The following LDHC variants were observed in gnomAD, a reference collection of about 807,000 sequenced individuals.
LDHC encodes the protein L-lactate dehydrogenase C chain.
In LDHC, 20 loss-of-function variants were observed where a neutral mutation model predicts 30.2. That is an observed-to-expected ratio of 0.66 (90% CI 0.47 to 0.96). The LOEUF (loss-of-function observed/expected upper bound fraction) is 0.96, where lower values mean the gene tolerates loss of function less well. Among genes scored for constraint, LDHC ranks in the 40% least tolerant of loss-of-function variants. The pLI, the probability that LDHC is intolerant of heterozygous loss-of-function variation, is 0.00. For synonymous variants in LDHC, 139 were observed against 132.7 expected, an observed-to-expected ratio of 1.05 and a Z score of -0.32; for missense variants, 362 against 394.9, an observed-to-expected ratio of 0.92 and a Z score of 0.71.
At chr11:18,415,107 G>A (rs1590222165) in intron 2 of LDHC, 77 bp from the exon 3 acceptor site, 1 of 720,018 alleles carries the variant, frequency 1.4e-6, no homozygotes, top group East Asian at 2.6e-5. Context: ...TAATTATCAA[G>A]TAGCCACATG....
chr11:18,430,661 C>T (rs2134059219), intron 4 of LDHC, among the ~76,000 whole-genome samples: 1 of 152,282 alleles, frequency 6.6e-6, no homozygotes, highest in Non-Finnish European at 1.5e-5. Context: ...TGCACCCAGC[C>T]ATTGTTTATA....
chr11:18,415,986 T>C, intron 3 of LDHC, among the ~76,000 whole-genome samples: 1 of 152,200 alleles, frequency 6.6e-6, no homozygotes, highest in East Asian at 1.9e-4. Flanking sequence ...TGAGCTGCGG[T>C]GCCCAGCCGG....
In LDHC at chr11:18,412,818, C is replaced by T. The variant is rs1370544092; in HGVS notation, c.101C>T (p.Ala34Val). ...GTTGGAACTGGTGCCGTAGGCATGG[C>T]TTGTGCTATTAGTATCTTACTGAAG... ...TIVGTGAVGM[A>V]CAISILLKDL... The change falls in exon 2 of 8, where the codon GCT becomes GTT. Residue 34 changes from alanine (A) to valine (V), a missense_variant. Coordinates refer to ENST00000541669, the MANE Select transcript of LDHC (RefSeq NM_017448.5). 1.2e-6 allele frequency: 2 copies of T among 1,613,786 alleles called. No homozygotes were observed. Among genetic ancestry groups the T allele is most frequent in the South Asian group, 1.1e-5 (1 of 91,030 alleles).
rs1022990889 is a variant in LDHC, at chr11:18,435,425, G to A, written c.592+512G>A. On this transcript the variant is annotated intron_variant, in intron 5 of 7. Transcript: ENST00000541669. ...TGTGGCACCCCCCTCCCCGACCCCC[G>A]CTGTAGCCATATAAGACTCTCCTGC... is the stretch of plus-strand genomic sequence containing the variant. 4.0e-5 allele frequency among the ~76,000 whole-genome samples: 6 copies of A among 150,278 alleles called. No homozygotes were observed. The East Asian group carries it at 7.9e-4, about 20-fold the overall frequency.
In LDHC at chr11:18,442,974, G is replaced by A. The variant is rs1474259767; in HGVS notation, c.711-3236G>A. Reference sequence around the variant, plus strand: ...CTAAAGCAAATGTATTTCTTTTTTTGGCCAAACTATTTCCATAAGTATCAC... The same window carrying A: ...CTAAAGCAAATGTATTTCTTTTTTTAGCCAAACTATTTCCATAAGTATCAC... On this transcript the variant is annotated intron_variant, in intron 6 of 7. Coordinates refer to ENST00000541669, the MANE Select transcript of LDHC (RefSeq NM_017448.5). 3.3e-5 allele frequency among the ~76,000 whole-genome samples: 5 copies of A among 151,516 alleles called. No homozygotes were observed. The East Asian group carries it at 7.7e-4, about 23-fold the overall frequency.
At chr11:18,443,386 C>T (rs547997083) in intron 6 of LDHC, among the ~76,000 whole-genome samples, 7 of 152,166 alleles carry the variant, frequency 4.6e-5, no homozygotes, top group Admixed American at 2.6e-4. Context: ...AGGGCTGTCA[C>T]AGTGTTGGTC....
chr11:18,446,991 G>T (rs1265642238), intron 7 of LDHC, among the ~76,000 whole-genome samples: 1 of 152,178 alleles, frequency 6.6e-6, no homozygotes, highest in Non-Finnish European at 1.5e-5. Context: ...GACAGAAGTG[G>T]TAAGCAGAGG....
At chr11:18,424,167 A>T (rs1347638207) in intron 3 of LDHC, among the ~76,000 whole-genome samples, 1 of 152,114 alleles carries the variant, frequency 6.6e-6, no homozygotes, top group African/African-American at 2.4e-5. Context: ...GCGGATCACG[A>T]GGTCAGGAGT....
intron 3 of LDHC, among the ~76,000 whole-genome samples, chr11:18,429,116 C>CTTTTTTTTTTTT (rs36038254): frequency 1.1e-5 from 1 of 93,922 alleles, no homozygotes; most frequent in Non-Finnish European, 1.9e-5. Flanking sequence ...TCATTTTGGT[C>CTTTTTTTTTTTT]TTTTTTTTTT....
chr11:18,429,659 A>G (rs968454817), intron 3 of LDHC, 78 bp from the exon 4 acceptor site: 5 of 765,090 alleles, frequency 6.5e-6, no homozygotes, highest in Non-Finnish European at 8.4e-6. Context: ...CTAAGAACAT[A>G]CAATAGAGTT....
chr11:18,446,227 A>C lies in LDHC; in HGVS notation c.728A>C (p.Lys243Thr). 1 of 1,603,048 alleles carries C rather than the reference A, an allele frequency of 6.2e-7. No individual in the cohort carries two copies. The highest frequency in any genetic ancestry group is 1.1e-5 in the South Asian group (1 of 90,838). Residue 243 changes from lysine (K) to threonine (T), a missense_variant, in exon 7 of 8, where the codon AAG becomes ACG. Physicochemically the swap from Lys to Thr is moderately conservative, Grantham distance 78. Coordinates refer to ENST00000541669, the MANE Select transcript of LDHC (RefSeq NM_017448.5). ...QVIQSAYEII[K>T]LKGYTSWAIG... ...AACTGTAGTGCCTATGAAATTATCA[A>C]GCTGAAGGGGTATACCTCTTGGGCT...
chr11:18,421,048 A>C (rs1041909726), intron 3 of LDHC, among the ~76,000 whole-genome samples: 5 of 151,852 alleles, frequency 3.3e-5, no homozygotes, highest in African/African-American at 1.2e-4. Context: ...TTCTTTTTCA[A>C]ATTTTTATAT....
chr11:18,446,929 T>A (rs1848563266), intron 7 of LDHC, among the ~76,000 whole-genome samples: 1 of 151,878 alleles, frequency 6.6e-6, no homozygotes, highest in Admixed American at 6.6e-5. Context: ...GTTTGTTTGT[T>A]ACACAGATAA....
At chr11:18,433,855 C>T (rs538951133) in intron 4 of LDHC, among the ~76,000 whole-genome samples, 21 of 152,094 alleles carry the variant, frequency 1.4e-4, no homozygotes, top group Non-Finnish European at 2.9e-4. Context: ...CTAGCAAGGC[C>T]GGGGAATTTT....
At chr11:18,413,151 G>C (rs1590221267) in intron 2 of LDHC, among the ~76,000 whole-genome samples, 1 of 150,742 alleles carries the variant, frequency 6.6e-6, no homozygotes, top group East Asian at 2.0e-4. Flanking sequence ...GCGCGATCTT[G>C]GCCCACTGCA....
At position 18,412,838 on chromosome 11, in the gene LDHC, C is replaced by CTGAA; in HGVS notation, c.122_125dup (p.Lys42AsnfsTer6). On this transcript the variant is annotated frameshift_variant, in exon 2 of 8. Coordinates refer to ENST00000541669, the MANE Select transcript of LDHC (RefSeq NM_017448.5). LOFTEE classifies it high-confidence loss of function. Reference sequence around the variant, plus strand: ...CATGGCTTGTGCTATTAGTATCTTACTGAAGGTGAGTGAGAAGCCCATCCT... The same window carrying CTGAA: ...CATGGCTTGTGCTATTAGTATCTTACTGAATGAAGGTGAGTGAGAAGCCCATCCT... 1 of 1,612,802 alleles carries CTGAA rather than the reference C, an allele frequency of 6.2e-7. No homozygotes were observed. The highest frequency in any genetic ancestry group is 8.5e-7 in the Non-Finnish European group (1 of 1,179,442).
At chr11:18,418,347 A>G (rs1867059624) in intron 3 of LDHC, among the ~76,000 whole-genome samples, 1 of 149,786 alleles carries the variant, frequency 6.7e-6, no homozygotes, top group Non-Finnish European at 1.5e-5. Context: ...AGTGTTTAGT[A>G]TGTCTGGGGT....
chr11:18,446,170 CTTA>C (rs1055167793), intron 6 of LDHC, 37 bp from the exon 7 acceptor site: 4 of 1,537,526 alleles, frequency 2.6e-6, no homozygotes, highest in East Asian at 2.3e-5. Flanking sequence ...TCTGGGTTGA[CTTA>C]TTATGAATTT....
chr11:18,449,512 G>A (rs1017777603), intron 7 of LDHC, among the ~76,000 whole-genome samples: 4 of 150,946 alleles, frequency 2.6e-5, no homozygotes, highest in Non-Finnish European at 5.9e-5. Flanking sequence ...GCTGGAGCCT[G>A]GCTGAATAGA....
Sources: gnomAD v4.1 joint callset for allele counts (sites outside exome capture counted in the v4.1 genomes callset) on GRCh38, gnomAD v4.1.1 for gene constraint, MANE v1.5 for transcripts, NCBI Gene and HGNC (gene_info 2026-07-23, HGNC 2026-07-21) for gene names.